The following COL4A4 variants were observed in gnomAD, a reference collection of about 807,000 sequenced individuals.
The protein encoded by COL4A4 is collagen alpha-4(IV) chain.
COL4A4 carries 105 observed loss-of-function variants against 192.9 expected under a neutral mutation model. That is an observed-to-expected ratio of 0.54 (90% CI 0.46 to 0.64). The LOEUF (loss-of-function observed/expected upper bound fraction) is 0.64. COL4A4 is among the 30% of genes least tolerant of loss of function. The pLI, the probability that COL4A4 is intolerant of heterozygous loss-of-function variation, is 0.00. For missense variants in COL4A4, 1,967 were observed against 2,169.3 expected (o/e 0.91, Z 1.85); for synonymous variants, 762 against 769.9 (o/e 0.99, Z 0.17).
chr2:227,041,898 G>GAAAGA, intron 37 of COL4A4, among the ~76,000 whole-genome samples: 1 of 149,272 alleles, frequency 6.7e-6, no homozygotes, highest in Admixed American at 6.6e-5. Flanking sequence ...AAGAAAGAAA[G>GAAAGA]AAAGAAAGAA....
rs1471426924 is a variant in COL4A4, at chr2:227,106,590, T to A, written c.735+1991A>T. ...TTATTTATTTATATTTTTTGAGACG[T>A]AGTCTCACTCTGTCACCCAGGCTGG... On this transcript the variant is annotated intron_variant, in intron 12 of 47. Coordinates refer to ENST00000396625, the MANE Select transcript of COL4A4 (RefSeq NM_000092.5). Among the ~76,000 whole-genome samples the A allele has an allele frequency of 2.0e-5, 3 of 152,198 alleles. No homozygotes were observed. In the South Asian group the frequency reaches 6.2e-4, roughly 32 times the overall value.
chr2:227,006,894 T>C lies in COL4A4; in HGVS notation c.*431A>G, dbSNP rs1029154049. On this transcript the variant is annotated 3_prime_UTR_variant, in exon 48 of 48. Coordinates refer to ENST00000396625, the MANE Select transcript of COL4A4 (RefSeq NM_000092.5). Reference sequence around the variant, plus strand: ...ATCTCTGCTTTCTAGTTTCATTCATTGACCTGTTTATTTTTTCCTATAAAA... The same window carrying C: ...ATCTCTGCTTTCTAGTTTCATTCATCGACCTGTTTATTTTTTCCTATAAAA... 5.8e-6 allele frequency: 1 copy of C among 171,608 alleles called. No individual in the cohort carries two copies. Among genetic ancestry groups the C allele is most frequent in the Non-Finnish European group, 1.3e-5 (1 of 78,536 alleles). 10.6% of individuals were successfully genotyped at this position (171,608 alleles called of 1,614,324 possible).
chr2:227,157,240 T>G (rs1223061903), intron 1 of COL4A4, among the ~76,000 whole-genome samples: 1 of 152,110 alleles, frequency 6.6e-6, no homozygotes, highest in African/African-American at 2.4e-5. Flanking sequence ...CAGAAAATGT[T>G]TTGAGCTGAA....
chr2:227,120,832 G>T (rs780193098), intron 5 of COL4A4, 182 bp downstream of exon 5: 1 of 675,134 alleles, frequency 1.5e-6, no homozygotes, highest in Non-Finnish European at 2.5e-6. Context: ...CCAGCTACTT[G>T]GGAGGCTGAG....
chr2:227,142,735 G>A (rs1196955925), intron 3 of COL4A4, among the ~76,000 whole-genome samples: 1 of 147,306 alleles, frequency 6.8e-6, no homozygotes, highest in South Asian at 2.1e-4. Context: ...CAGCTTGGGT[G>A]ACACAGTGAG....
chr2:227,050,200 C>A, intron 33 of COL4A4, 69 bp from the exon 34 acceptor site: 1 of 1,405,562 alleles, frequency 7.1e-7, no homozygotes, highest in South Asian at 1.2e-5. Flanking sequence ...ACAACACGAT[C>A]CAGTTGTAAT....
At chr2:227,106,596 C>T (rs1180434421) in intron 12 of COL4A4, among the ~76,000 whole-genome samples, 1 of 152,134 alleles carries the variant, frequency 6.6e-6, no homozygotes, top group Non-Finnish European at 1.5e-5. Context: ...GACGTAGTCT[C>T]ACTCTGTCAC....
At chr2:226,968,652 C>A in the COL4A4 span, among the ~76,000 whole-genome samples, 1 of 152,206 alleles carries the variant, frequency 6.6e-6, no homozygotes, top group African/African-American at 2.4e-5. Context: ...TGTTTGCGCA[C>A]TCTCTCCGAA....
intron 27 of COL4A4, 40 bp from the exon 28 acceptor site, chr2:227,059,663 G>A (rs371891059): frequency 6.9e-7 from 1 of 1,448,280 alleles, no homozygotes; most frequent in African/African-American, 1.4e-5. Flanking sequence ...GATAACATGT[G>A]CAAGTATAGA....
intron 25 of COL4A4, among the ~76,000 whole-genome samples, chr2:227,075,489 C>T (rs1282681971): frequency 6.6e-6 from 1 of 152,132 alleles, no homozygotes; most frequent in African/African-American, 2.4e-5. Flanking sequence ...GAACATATCT[C>T]AAAATAACAA....
the COL4A4 span, among the ~76,000 whole-genome samples, chr2:226,976,353 T>G: frequency 6.6e-6 from 1 of 150,470 alleles, no homozygotes; most frequent in Non-Finnish European, 1.5e-5. Context: ...ACTTCCCAAG[T>G]CCAAGTCGAG....
At chr2:227,096,238 C>T (rs1181088449) in intron 19 of COL4A4, among the ~76,000 whole-genome samples, 2 of 152,044 alleles carry the variant, frequency 1.3e-5, no homozygotes, top group African/African-American at 2.4e-5. Context: ...AGTACAGAGC[C>T]CACCCAGGGA....
intron 1 of COL4A4, among the ~76,000 whole-genome samples, chr2:227,158,996 AAG>A (rs2064583273): frequency 6.6e-6 from 1 of 152,186 alleles, no homozygotes; most frequent in South Asian, 2.1e-4. Context: ...TGCCCACAAA[AAG>A]ACTTGTAGAA....
At chr2:227,089,835 C>T (rs1467983295) in intron 21 of COL4A4, 33 bp downstream of exon 21, 1 of 1,543,810 alleles carries the variant, frequency 6.5e-7, no homozygotes. Context: ...GTACAGTTGT[C>T]TTCTAGAAAT....
rs1299585141 is a variant in COL4A4 at position 227,080,716 on chromosome 2, C to T, written c.1697-167G>A. The stretch of plus-strand genomic sequence containing the variant: ...ATGCCAAAGCCAGAGGGGAGAATGA[C>T]AATTGCTAGAACCATTGAATCTCTT... On this transcript the variant is annotated intron_variant, in intron 23 of 47. Transcript: ENST00000396625. 3.3e-5 allele frequency among the ~76,000 whole-genome samples: 5 copies of T among 152,166 alleles called. No homozygotes were observed. The South Asian group carries it at 6.2e-4, about 19-fold the overall frequency.
intron 17 of COL4A4, 80 bp from the exon 18 acceptor site, chr2:227,099,769 G>T: frequency 1.7e-6 from 2 of 1,195,884 alleles, no homozygotes; most frequent in South Asian, 2.5e-5. Flanking sequence ...GTATTAGAAC[G>T]ATCATGTGCA....
intron 35 of COL4A4, among the ~76,000 whole-genome samples, chr2:227,045,453 T>C (rs1972276926): frequency 1.4e-5 from 2 of 145,880 alleles, no homozygotes; most frequent in South Asian, 2.3e-4. Context: ...TATACTTCAG[T>C]TATACAGTTC....
rs1289891228 is a variant in COL4A4 at position 227,059,486 on chromosome 2, C to A, written c.2302G>T (p.Gly768Ter). Reference sequence around the variant, plus strand: ...GAAAGACCCCTCTTTCCCGGGGGTCCCAGGTGACCAAATGCAGGGTCTCCC... The same window carrying A: ...GAAAGACCCCTCTTTCCCGGGGGTCACAGGTGACCAAATGCAGGGTCTCCC... ...IPGDPAFGHL[G>*]PPGKRGLSGV... The change falls in exon 28 of 48, where the codon GGA (glycine) becomes TGA (stop). Residue 768 changes from glycine to a stop codon, truncating the protein, a stop_gained. Transcript: ENST00000396625. LOFTEE classifies it high-confidence loss of function. The A allele has an allele frequency of 1.2e-6, 2 of 1,613,946 alleles. No individual in the cohort carries two copies.
At chr2:227,097,832 A>G (rs377463535) in intron 19 of COL4A4, among the ~76,000 whole-genome samples, 1 of 152,220 alleles carries the variant, frequency 6.6e-6, no homozygotes, top group South Asian at 2.1e-4. Flanking sequence ...GCAGTTGAAT[A>G]TCTCAGAAAA....
Sources: allele counts gnomAD v4.1 joint callset (sites outside exome capture counted in the v4.1 genomes callset), GRCh38; gene constraint gnomAD v4.1.1; transcripts MANE v1.5; gene names NCBI Gene and HGNC (gene_info 2026-07-23, HGNC 2026-07-21).